FAM234B: variants seen among roughly 807,000 people sequenced by gnomAD.
FAM234B encodes the protein family with sequence similarity 234 member B.
A neutral mutation model predicts 69.3 loss-of-function variants in FAM234B; 33 were observed. The ratio of observed to expected loss-of-function variants is 0.48; its 90% CI spans 0.36 to 0.64. The LOEUF is 0.64. Ranked by LOEUF, FAM234B falls within the 30% of genes least tolerant of loss-of-function variation. FAM234B has a pLI of 0.00. For missense variants in FAM234B, 697 were observed against 769.7 expected, an observed-to-expected ratio of 0.91 and a Z score of 1.12; for synonymous variants, 306 against 306.9, an observed-to-expected ratio of 1.00 and a Z score of 0.03.
intron 5 of FAM234B, among the ~76,000 whole-genome samples, chr12:13,064,369 G>A (rs1015165209): frequency 1.3e-4 from 20 of 152,254 alleles, no homozygotes; most frequent in Non-Finnish European, 1.5e-5. Flanking sequence ...TCTTTGAAGG[G>A]AACATATGGG....
chr12:13,075,993 C>A (rs200465866), intron 10 of FAM234B, 33 bp from the exon 11 acceptor site: 83 of 1,490,884 alleles, frequency 5.6e-5, no homozygotes, highest in Non-Finnish European at 7.3e-5. Flanking sequence ...TGTAGCGTTA[C>A]CTTTGCTCTT....
chr12:13,068,689 A>G lies in FAM234B; in HGVS notation c.1346A>G (p.Gln449Arg), dbSNP rs765358701. The stretch of plus-strand genomic sequence containing the variant: ...ACATTAGATTTCCTTCTGCAGATAC[A>G]GGATGGAGTTGGGATGAAAAAGGTA... Reference protein sequence around the residue: ...DQTLDFLLQIQDGVGMKKMMV... With the variant: ...DQTLDFLLQIRDGVGMKKMMV... The change falls in exon 9 of 13, where the codon CAG becomes CGG. Residue 449 changes from glutamine to arginine, a missense_variant. By Grantham distance (43) the Gln-to-Arg change is conservative. This residue lies in a region of FAM234B where 313 missense variants were observed against 305.5 expected (regional missense o/e 1.02). Transcript: ENST00000197268. 16 of 1,610,962 alleles carry G rather than the reference A, an allele frequency of 9.9e-6. No individual in the cohort carries two copies. Among genetic ancestry groups the G allele is most frequent in the Non-Finnish European group, 1.4e-5 (16 of 1,177,258 alleles).
intron 5 of FAM234B, among the ~76,000 whole-genome samples, chr12:13,066,052 C>G (rs769146902): frequency 1.3e-5 from 2 of 152,158 alleles, no homozygotes; most frequent in Non-Finnish European, 2.9e-5. Flanking sequence ...ATCCTCACAC[C>G]CATTCATTTA....
At position 13,071,244 on chromosome 12, in the gene FAM234B, A is replaced by G. The variant is rs367931164; in HGVS notation, c.1372A>G (p.Met458Val). The G allele has an allele frequency of 1.9e-5, 31 of 1,613,650 alleles. No homozygotes were observed. In the African/African-American group the frequency reaches 2.9e-4, roughly 15 times the overall value. ...IQDGVGMKKM[M>V]VVDGDSGSIV... ...CTGTCTGTCTTCTCTTTTGTAGATG[A>G]TGGTTGTGGATGGTGACTCTGGCTC... The change falls in exon 10 of 13, where the codon ATG (methionine) becomes GTG (valine). Residue 458 changes from methionine (M) to valine (V), a missense_variant. Met to Val is a conservative substitution (Grantham distance 21, BLOSUM62 1). Around this residue, in one of 3 missense-constraint regions of FAM234B, gnomAD observed 313 missense variants for 305.5 expected, o/e 1.02. Coordinates refer to ENST00000197268, the MANE Select transcript of FAM234B (RefSeq NM_020853.2).
chr12:13,064,485 A>T (rs1384094312), intron 5 of FAM234B, among the ~76,000 whole-genome samples: 2 of 152,212 alleles, frequency 1.3e-5, no homozygotes, highest in African/African-American at 4.8e-5. Context: ...GGTTGGCAGG[A>T]TAGTGGCTCA....
chr12:13,066,498 A>T, intron 5 of FAM234B, 142 bp from the exon 6 acceptor site: 1 of 823,178 alleles, frequency 1.2e-6, no homozygotes, highest in Non-Finnish European at 1.8e-6. Flanking sequence ...AAAGCGAAGC[A>T]GGTTTGGCTT....
chr12:13,079,951 G>T lies in FAM234B; in HGVS notation c.1805G>T (p.Gly602Val). 2 of 1,613,054 alleles carry T rather than the reference G, an allele frequency of 1.2e-6. No homozygotes were observed. Among genetic ancestry groups the T allele is most frequent in the African/African-American group, 1.3e-5 (1 of 74,988 alleles). The change falls in exon 12 of 13, where the codon GGC (glycine) becomes GTC (valine). Residue 602 changes from glycine to valine, a missense_variant. This residue lies in a region of FAM234B where 313 missense variants were observed against 305.5 expected (regional missense o/e 1.02). Coordinates refer to ENST00000197268, the MANE Select transcript of FAM234B (RefSeq NM_020853.2). ...AQLQESTPKIGRGELRRFLSR... is the reference protein window; with the variant it reads ...AQLQESTPKIVRGELRRFLSR... ...CTACAGGAGTCCACCCCCAAAATTG[G>T]CCGTGGGGAGCTGCGAAGATTTCTC...
At chr12:13,046,658 C>T (rs1051558279) in intron 1 of FAM234B, among the ~76,000 whole-genome samples, 9 of 152,128 alleles carry the variant, frequency 5.9e-5, no homozygotes, top group Admixed American at 3.9e-4. Context: ...CAGGGTTTCT[C>T]CATGTTGGTC....
rs1345771488 is a variant in FAM234B at position 13,061,751 on chromosome 12, A to G, written c.709A>G (p.Asn237Asp). The G allele has an allele frequency of 6.2e-7, 1 of 1,613,748 alleles. No homozygotes were observed. The highest frequency in any genetic ancestry group is 2.2e-5 in the East Asian group (1 of 44,890). Residue 237 changes from asparagine to aspartate, a missense_variant, in exon 4 of 13, where the codon AAT becomes GAT. Physicochemically the swap from Asn to Asp is conservative, Grantham distance 23. Coordinates refer to ENST00000197268, the MANE Select transcript of FAM234B (RefSeq NM_020853.2). ...GACACACAAGATGCTCAGCGCATTC[A>G]ATGCAACGTCAGGTAAATACCATTT... is the stretch of plus-strand genomic sequence containing the variant. Reference protein sequence around the residue: ...TGTHKMLSAFNATSGKAIWTL... With the variant: ...TGTHKMLSAFDATSGKAIWTL...
chr12:13,071,003 CT>C (rs1865099213), intron 9 of FAM234B, among the ~76,000 whole-genome samples: 5 of 152,206 alleles, frequency 3.3e-5, no homozygotes, highest in Admixed American at 3.3e-4. Flanking sequence ...CCCATTCCCA[CT>C]TGAGAACTTT....
intron 5 of FAM234B, 118 bp from the exon 6 acceptor site, chr12:13,066,522 T>A (rs1417363216): frequency 8.7e-7 from 1 of 1,148,094 alleles, no homozygotes; most frequent in African/African-American, 1.6e-5. Flanking sequence ...GCTTTCCAAC[T>A]TGGGGGAGTG....
chr12:13,078,700 A>G (rs1206241410), intron 11 of FAM234B, among the ~76,000 whole-genome samples: 3 of 152,348 alleles, frequency 2.0e-5, no homozygotes, highest in Non-Finnish European at 4.4e-5. Flanking sequence ...GTCTCAGGAT[A>G]CAAAATCAAT....
chr12:13,058,561 GT>G lies in FAM234B; in HGVS notation c.532+19del, dbSNP rs76117339. ...CGGGAGTGCAGTAGGTAAGAGACGT[GT>G]TTTTTTCAAGGCTGCTACAGGGGCA... On this transcript the variant is annotated intron_variant, in intron 3 of 12. Coordinates refer to ENST00000197268, the MANE Select transcript of FAM234B (RefSeq NM_020853.2). The G allele has an allele frequency of 0.18, 288,652 of 1,609,656 alleles. 32,433 individuals are homozygous for G. Among genetic ancestry groups the G allele is most frequent in the East Asian group, 0.49 (22,059 of 44,806 alleles).
In FAM234B at chr12:13,070,787, A is replaced by G. The variant is rs185328539; in HGVS notation, c.1369-454A>G. Among the ~76,000 whole-genome samples the G allele has an allele frequency of 3.6e-3, 547 of 152,160 alleles. 7 individuals are homozygous for G. Among genetic ancestry groups the G allele is most frequent in the African/African-American group, 0.013 (533 of 41,502 alleles). On this transcript the variant is annotated intron_variant, in intron 9 of 12. Coordinates refer to ENST00000197268, the MANE Select transcript of FAM234B (RefSeq NM_020853.2). ...CATAAAACTGGGAACACCGTGCCCC[A>G]GGACAGTGTTCACTGGGCCATTGTT...
intron 9 of FAM234B, among the ~76,000 whole-genome samples, chr12:13,070,004 G>C (rs1472441401): frequency 6.6e-6 from 1 of 151,948 alleles, no homozygotes; most frequent in Non-Finnish European, 1.5e-5. Flanking sequence ...CTGAGTTTCA[G>C]CCCTGGGTTT....
chr12:13,058,416 C>T (rs1460395619), intron 2 of FAM234B, 35 bp from the exon 3 acceptor site: 4 of 1,574,832 alleles, frequency 2.5e-6, no homozygotes, highest in African/African-American at 2.7e-5. Context: ...TGGTAACTTG[C>T]TCAGGACCTT....
At chr12:13,066,841 G>T in intron 6 of FAM234B, 54 bp downstream of exon 6, 2 of 1,572,486 alleles carry the variant, frequency 1.3e-6, no homozygotes, top group Non-Finnish European at 8.7e-7. Flanking sequence ...TTGTGATGAG[G>T]CCTTCCTTGT....
At chr12:13,052,660 T>C (rs191664888) in intron 1 of FAM234B, among the ~76,000 whole-genome samples, 2 of 152,342 alleles carry the variant, frequency 1.3e-5, no homozygotes, top group East Asian at 3.9e-4. Flanking sequence ...GTGACTACTC[T>C]AGATAACTCA....
rs1300999062 is a variant in FAM234B at position 13,071,226 on chromosome 12, T to C, written c.1369-15T>C. On this transcript the variant is annotated splice_polypyrimidine_tract_variant and intron_variant, in intron 9 of 12. Transcript: ENST00000197268. ...GAGGCCTGGCCATGTTTACTGTCTG[T>C]CTTCTCTTTTGTAGATGATGGTTGT... 6.2e-7 allele frequency: 1 copy of C among 1,613,870 alleles called. No individual in the cohort carries two copies.
Sources: gnomAD v4.1 joint callset for allele counts (sites outside exome capture counted in the v4.1 genomes callset) on GRCh38, gnomAD v4.1.1 for gene constraint, gnomAD v4.1.1 regional missense constraint, MANE v1.5 for transcripts, NCBI Gene and HGNC (gene_info 2026-07-23, HGNC 2026-07-21) for gene names.